Variants in DNAH12 observed in about 807,000 individuals in gnomAD.
The protein encoded by DNAH12 is dynein axonemal heavy chain 12.
A neutral mutation model predicts 371.5 loss-of-function variants in DNAH12; 285 were observed. The ratio of observed to expected loss-of-function variants is 0.77; its 90% CI spans 0.70 to 0.85. The LOEUF is 0.85. Among genes scored for constraint, DNAH12 ranks in the 40% least tolerant of loss-of-function variants. The pLI, the probability that DNAH12 is intolerant of heterozygous loss-of-function variation, is 0.00. For synonymous variants in DNAH12, 1,200 were observed against 1,213.0 expected, an observed-to-expected ratio of 0.99 and a Z score of 0.22; for missense variants, 3,611 against 3,689.4, an observed-to-expected ratio of 0.98 and a Z score of 0.55.
chr3:57,504,250 C>T (rs747608654), intron 8 of DNAH12, 46 bp from the exon 9 acceptor site: 1 of 1,523,488 alleles, frequency 6.6e-7, no homozygotes, highest in East Asian at 2.3e-5. Flanking sequence ...CAAATTCAAC[C>T]TTTAACTAAA....
intron 25 of DNAH12, among the ~76,000 whole-genome samples, chr3:57,447,822 T>C (rs116763813): frequency 1.7e-3 from 254 of 152,108 alleles, no homozygotes; most frequent in African/African-American, 5.8e-3. Context: ...TATAGGTGTA[T>C]GCCACCACAC....
At chr3:57,393,625 CAAAAAAAAAAAAAAAAA>C (rs1180952196) in intron 44 of DNAH12, among the ~76,000 whole-genome samples, 1 of 64,298 alleles carries the variant, frequency 1.6e-5, no homozygotes, top group Non-Finnish European at 2.5e-5. Flanking sequence ...GACTCTGTCT[CAAAAAAAAAAAAAAAAA>C]AAAAAAAAAG....
chr3:57,375,628 CA>C (rs1340504954), intron 54 of DNAH12, 112 bp from the exon 55 acceptor site: 3 of 151,902 alleles, frequency 2.0e-5, no homozygotes, highest in African/African-American at 7.3e-5. Context: ...CTCTAAGGAA[CA>C]GAAAGAAAAG....
At chr3:57,312,920 C>T (rs1272369330) in intron 66 of DNAH12, among the ~76,000 whole-genome samples, 2 of 152,060 alleles carry the variant, frequency 1.3e-5, no homozygotes, top group Non-Finnish European at 2.9e-5. Flanking sequence ...TATGTGTTAA[C>T]AATTTTTATT....
chr3:57,459,819 T>C (rs1175437761), intron 19 of DNAH12, 33 bp from the exon 20 acceptor site: 12 of 1,311,056 alleles, frequency 9.2e-6, no homozygotes, highest in Non-Finnish European at 1.2e-5. Flanking sequence ...TAAATTCTAG[T>C]TATTAAAGAA....
intron 29 of DNAH12, among the ~76,000 whole-genome samples, chr3:57,440,320 T>C (rs2065263329): frequency 6.6e-6 from 1 of 152,174 alleles, no homozygotes; most frequent in Non-Finnish European, 1.5e-5. Context: ...AATGTACATA[T>C]ATACCATGGA....
intron 60 of DNAH12, among the ~76,000 whole-genome samples, chr3:57,349,234 C>T (rs2062614380): frequency 1.3e-5 from 2 of 152,172 alleles, no homozygotes; most frequent in South Asian, 4.1e-4. Context: ...AAATGCTCAA[C>T]ATCACTAATT....
chr3:57,536,681 A>G (rs977493568), intron 2 of DNAH12, among the ~76,000 whole-genome samples: 4 of 152,158 alleles, frequency 2.6e-5, no homozygotes, highest in African/African-American at 9.7e-5. Flanking sequence ...GCTACTTCCA[A>G]GGAATTTACC....
intron 58 of DNAH12, among the ~76,000 whole-genome samples, chr3:57,361,444 C>CTATATATATATATATATATATATATG (rs2062930692): frequency 1.7e-5 from 2 of 116,722 alleles, no homozygotes; most frequent in African/African-American, 8.4e-5. Context: ...CACACACACA[C>CTATATATATATATATATATATATATG]TATATATATA....
At position 57,435,376 on chromosome 3, in the gene DNAH12, A is replaced by ACC. The variant is rs1559655617; in HGVS notation, c.4656-1549_4656-1548insGG. Among the ~76,000 whole-genome samples, 350 of 144,038 alleles carry ACC rather than the reference A, an allele frequency of 2.4e-3. 5 individuals are homozygous for ACC. The highest frequency in any genetic ancestry group is 8.7e-3 in the African/African-American group (318 of 36,378). 94.5% of individuals were successfully genotyped at this position (144,038 alleles called of 152,430 possible). Reference sequence around the variant, plus strand: ...GATAGACCAAGACTCTGTCTCCCAAAAAAAAAAAAAAAAAAAGAATATAAT... The same window carrying ACC: ...GATAGACCAAGACTCTGTCTCCCAAACCAAAAAAAAAAAAAAAAGAATATAAT... On this transcript the variant is annotated intron_variant, in intron 30 of 73. Coordinates refer to ENST00000495027, the MANE Select transcript of DNAH12 (RefSeq NM_001366028.2).
chr3:57,334,530 G>T lies in DNAH12; in HGVS notation c.9913C>A (p.Pro3305Thr). ...KEPHNAKFPAPMDKNLNELQK... is the reference protein window; with the variant it reads ...KEPHNAKFPATMDKNLNELQK... Reference sequence around the variant, plus strand: ...AGTTCATTTAGGTTCTTATCCATTGGTGCTGGAAATTTAGCATTATGTGGC... The same window carrying T: ...AGTTCATTTAGGTTCTTATCCATTGTTGCTGGAAATTTAGCATTATGTGGC... The change falls in exon 62 of 74, where the codon CCA (proline) becomes ACA (threonine). Residue 3305 changes from proline (P) to threonine (T), a missense_variant. Pro to Thr is a conservative substitution (Grantham distance 38). Transcript: ENST00000495027. The T allele has an allele frequency of 1.0e-5, 16 of 1,550,958 alleles. No individual in the cohort carries two copies. The highest frequency in any genetic ancestry group is 1.4e-5 in the Non-Finnish European group (16 of 1,146,846).
chr3:57,394,954 T>C (rs2063706290), intron 43 of DNAH12, among the ~76,000 whole-genome samples: 1 of 152,152 alleles, frequency 6.6e-6, no homozygotes, highest in Non-Finnish European at 1.5e-5. Context: ...TTAGAACCGA[T>C]TGTTAAAATT....
At chr3:57,314,089 G>C (rs2061636438) in intron 66 of DNAH12, among the ~76,000 whole-genome samples, 1 of 152,174 alleles carries the variant, frequency 6.6e-6, no homozygotes, top group Non-Finnish European at 1.5e-5. Context: ...TCTGTTGATT[G>C]ATAGAGCTAA....
intron 13 of DNAH12, 70 bp downstream of exon 13, chr3:57,483,306 T>C (rs2066813223): frequency 1.3e-6 from 2 of 1,499,070 alleles, no homozygotes; most frequent in Non-Finnish European, 1.8e-6. Context: ...ATATATTTTA[T>C]ACATCTTCAC....
At chr3:57,403,085 T>A (rs868940867) in intron 43 of DNAH12, among the ~76,000 whole-genome samples, 4 of 152,174 alleles carry the variant, frequency 2.6e-5, no homozygotes, top group Non-Finnish European at 5.9e-5. Flanking sequence ...CCTGCTGCAT[T>A]GCATTGCTGT....
chr3:57,322,566 G>T, intron 64 of DNAH12, 83 bp from the exon 65 acceptor site: 1 of 1,395,300 alleles, frequency 7.2e-7, no homozygotes, highest in Non-Finnish European at 9.5e-7. Context: ...TTAAAAAACA[G>T]GCATAATGGA....
At chr3:57,398,692 A>G (rs2063794913) in intron 43 of DNAH12, among the ~76,000 whole-genome samples, 1 of 152,216 alleles carries the variant, frequency 6.6e-6, no homozygotes, top group Non-Finnish European at 1.5e-5. Context: ...AGGACAATGT[A>G]TCTGGTACAG....
chr3:57,537,307 A>G (rs2069087325), intron 2 of DNAH12, among the ~76,000 whole-genome samples: 1 of 152,236 alleles, frequency 6.6e-6, no homozygotes, highest in African/African-American at 2.4e-5. Flanking sequence ...TGGGTGAGAA[A>G]CCACATGCAG....
intron 34 of DNAH12, among the ~76,000 whole-genome samples, chr3:57,426,162 T>C (rs2153363809): frequency 6.6e-6 from 1 of 152,208 alleles, no homozygotes; most frequent in South Asian, 2.1e-4. Context: ...CAGACACAGA[T>C]TATTAAGGGG....
Sources: allele counts gnomAD v4.1 joint callset (sites outside exome capture counted in the v4.1 genomes callset), GRCh38; gene constraint gnomAD v4.1.1; transcripts MANE v1.5; gene names NCBI Gene and HGNC (gene_info 2026-07-23, HGNC 2026-07-21).